Variants in AKAP6 observed in about 807,000 individuals in gnomAD.
AKAP6 encodes A-kinase anchor protein 6.
A neutral mutation model predicts 188.5 loss-of-function variants in AKAP6; 58 were observed. That is an observed-to-expected ratio of 0.31 (90% CI 0.25 to 0.38). The LOEUF (loss-of-function observed/expected upper bound fraction) is 0.38, where lower values mean the gene tolerates loss of function less well. AKAP6 is among the 10% of genes least tolerant of loss of function. The probability of loss-of-function intolerance (pLI) is 1.00; values close to 1 mark genes in which losing one functional copy is unlikely to be tolerated. For missense variants in AKAP6, 2,710 were observed against 2,740.0 expected, an observed-to-expected ratio of 0.99 and a Z score of 0.24; for synonymous variants, 989 against 998.6, an observed-to-expected ratio of 0.99 and a Z score of 0.18.
At chr14:32,577,620 A>G (rs906898262) in intron 5 of AKAP6, among the ~76,000 whole-genome samples, 1 of 152,180 alleles carries the variant, frequency 6.6e-6, no homozygotes, top group Non-Finnish European at 1.5e-5. Context: ...TGTAAAATTA[A>G]TGAACCTCTC....
intron 1 of AKAP6, among the ~76,000 whole-genome samples, chr14:32,423,858 C>T (rs1427960845): frequency 6.6e-6 from 1 of 152,096 alleles, no homozygotes; most frequent in Admixed American, 6.5e-5. Context: ...AATTTTTCCA[C>T]TTCAAATCTA....
chr14:32,805,673 G>T (rs2034070381), intron 12 of AKAP6, among the ~76,000 whole-genome samples: 1 of 152,138 alleles, frequency 6.6e-6, no homozygotes, highest in Admixed American at 6.5e-5. Context: ...TGCCACTGGG[G>T]TCAAATAATT....
chr14:32,830,076 G>C lies in AKAP6; in HGVS notation c.*271G>C. 1.5e-6 allele frequency: 1 copy of C among 662,404 alleles called. No individual in the cohort carries two copies. Among genetic ancestry groups the C allele is most frequent in the Non-Finnish European group, 2.8e-6 (1 of 363,588 alleles). 41.0% of individuals were successfully genotyped at this position (662,404 alleles called of 1,614,324 possible). ...GCTGCTTGTTCTCCCATGGATTCCT[G>C]TCCCAAGCTACCTCTACCAACCCTC... On this transcript the variant is annotated 3_prime_UTR_variant, in exon 14 of 14. Transcript: ENST00000280979.
intron 1 of AKAP6, among the ~76,000 whole-genome samples, chr14:32,377,266 C>T (rs1888186516): frequency 6.6e-6 from 1 of 152,186 alleles, no homozygotes; most frequent in Non-Finnish European, 1.5e-5. Flanking sequence ...TTCTAGCTTA[C>T]TATTGGCAGC....
intron 2 of AKAP6, among the ~76,000 whole-genome samples, chr14:32,455,880 T>G (rs567422517): frequency 6.6e-6 from 1 of 152,288 alleles, no homozygotes; most frequent in South Asian, 2.1e-4. Flanking sequence ...ATGACTGAAT[T>G]TACTGACTAT....
intron 9 of AKAP6, among the ~76,000 whole-genome samples, chr14:32,728,150 C>T (rs1381737916): frequency 7.0e-6 from 1 of 143,312 alleles, no homozygotes; most frequent in Non-Finnish European, 1.5e-5. Context: ...ATGAGGAGGG[C>T]AAACACTAGC....
chr14:32,711,593 A>C (rs1251957942), intron 9 of AKAP6, among the ~76,000 whole-genome samples: 1 of 152,084 alleles, frequency 6.6e-6, no homozygotes, highest in African/African-American at 2.4e-5. Context: ...AGGTATACAG[A>C]GTTAACTGAT....
chr14:32,701,611 G>A (rs1890623730), intron 9 of AKAP6, among the ~76,000 whole-genome samples: 1 of 152,052 alleles, frequency 6.6e-6, no homozygotes, highest in South Asian at 2.1e-4. Context: ...ACAAGAAGAA[G>A]TATGGAACAT....
intron 2 of AKAP6, among the ~76,000 whole-genome samples, chr14:32,502,670 A>G (rs1230392091): frequency 1.3e-5 from 2 of 152,014 alleles, no homozygotes; most frequent in Non-Finnish European, 2.9e-5. Flanking sequence ...GCAAATGTGA[A>G]TATATATTCT....
intron 13 of AKAP6, among the ~76,000 whole-genome samples, chr14:32,826,366 T>A (rs1251399264): frequency 2.6e-5 from 4 of 152,200 alleles, no homozygotes; most frequent in African/African-American, 9.7e-5. Flanking sequence ...AATCACATTC[T>A]CCATCAGTAT....
intron 7 of AKAP6, among the ~76,000 whole-genome samples, chr14:32,663,460 T>C (rs1455586344): frequency 4.6e-5 from 7 of 152,064 alleles, no homozygotes; most frequent in Non-Finnish European, 1.5e-5. Flanking sequence ...TAAAATCTAA[T>C]AGGACAGAGG....
intron 3 of AKAP6, 119 bp from the exon 4 acceptor site, chr14:32,545,111 G>A (rs1883134409): frequency 1.1e-6 from 1 of 910,206 alleles, no homozygotes; most frequent in Middle Eastern, 2.3e-4. Context: ...CAAACCACAA[G>A]CAATAGGGAC....
In AKAP6 at chr14:32,747,894, G is replaced by A. The variant is rs368971702; in HGVS notation, c.3372+12012G>A. Reference sequence around the variant, plus strand: ...GTTCTGCCCTTGATTTGAGAAGGCAGAGATACAGCTGTGTACTCATTTTAT... The same window carrying A: ...GTTCTGCCCTTGATTTGAGAAGGCAAAGATACAGCTGTGTACTCATTTTAT... On this transcript the variant is annotated intron_variant, in intron 11 of 13. Coordinates refer to ENST00000280979, the MANE Select transcript of AKAP6 (RefSeq NM_004274.5). Among the ~76,000 whole-genome samples the A allele has an allele frequency of 8.8e-4, 134 of 152,344 alleles. 1 individual carries two copies. Among genetic ancestry groups the A allele is most frequent in the African/African-American group, 3.2e-3 (132 of 41,576 alleles).
chr14:32,456,741 T>A (rs545636703), intron 2 of AKAP6, among the ~76,000 whole-genome samples: 10 of 152,304 alleles, frequency 6.6e-5, no homozygotes, highest in African/African-American at 2.2e-4. Context: ...GAGAAGAGGA[T>A]CTTGTCCAAG....
At chr14:32,726,570 A>G (rs1393081026) in intron 9 of AKAP6, among the ~76,000 whole-genome samples, 1 of 152,242 alleles carries the variant, frequency 6.6e-6, no homozygotes, top group African/African-American at 2.4e-5. Context: ...TCATTTTGGT[A>G]TTGGCGCATT....
At chr14:32,570,364 T>C (rs935277133) in intron 4 of AKAP6, among the ~76,000 whole-genome samples, 1 of 151,622 alleles carries the variant, frequency 6.6e-6, no homozygotes, top group Non-Finnish European at 1.5e-5. Context: ...GGATGGTCTC[T>C]ATCTCCTGAC....
At chr14:32,808,873 A>T (rs1012103251) in intron 12 of AKAP6, among the ~76,000 whole-genome samples, 97 of 152,114 alleles carry the variant, frequency 6.4e-4, no homozygotes, top group African/African-American at 2.3e-3. Flanking sequence ...GTGTTTGTTT[A>T]TTCTATTTCT....
chr14:32,652,823 T>A (rs1003150824), intron 7 of AKAP6, among the ~76,000 whole-genome samples: 3 of 151,980 alleles, frequency 2.0e-5, no homozygotes, highest in African/African-American at 4.8e-5. Flanking sequence ...GAGGCCAAGG[T>A]GGGAGGAATA....
intron 11 of AKAP6, among the ~76,000 whole-genome samples, chr14:32,761,014 C>G (rs972167973): frequency 9.2e-5 from 14 of 152,142 alleles, no homozygotes. Context: ...CCTTGAGCTT[C>G]CACCACAAAC....
Sources: gnomAD v4.1 joint callset for allele counts (sites outside exome capture counted in the v4.1 genomes callset) on GRCh38, gnomAD v4.1.1 for gene constraint, MANE v1.5 for transcripts, NCBI Gene and HGNC (gene_info 2026-07-23, HGNC 2026-07-21) for gene names.